Variants in NUP98 observed in about 807,000 individuals in gnomAD.
The protein encoded by NUP98 is nucleoporin 98 and 96 precursor.
NUP98 carries 26 observed loss-of-function variants against 191.9 expected under a neutral mutation model. That is an observed-to-expected ratio of 0.14 (90% confidence interval 0.10 to 0.19). NUP98 has a LOEUF of 0.19. NUP98 is among the 10% of genes least tolerant of loss of function. The pLI, the probability that NUP98 is intolerant of heterozygous loss-of-function variation, is 1.00. For missense variants in NUP98, 1,941 were observed against 2,178.8 expected (o/e 0.89, Z 2.17); for synonymous variants, 808 against 778.4 (o/e 1.04, Z -0.63).
chr11:3,755,352 AAT>A (rs925887936), intron 10 of NUP98, among the ~76,000 whole-genome samples: 24 of 151,942 alleles, frequency 1.6e-4, no homozygotes, highest in African/African-American at 5.3e-4. Context: ...GAATCCCAGC[AAT>A]TTGGGAGGCT....
intron 20 of NUP98, among the ~76,000 whole-genome samples, chr11:3,708,002 G>C (rs1488141243): frequency 3.3e-5 from 5 of 152,202 alleles, no homozygotes; most frequent in Non-Finnish European, 7.4e-5. Context: ...TTAGGAGGCT[G>C]AGGCAGGAAA....
At position 3,683,403 on chromosome 11, in the gene NUP98, T is replaced by C. The variant is rs1307597167; in HGVS notation, c.4715A>G (p.His1572Arg). 1 of 1,614,154 alleles carries C rather than the reference T, an allele frequency of 6.2e-7. No homozygotes were observed. Among genetic ancestry groups the C allele is most frequent in the South Asian group, 1.1e-5 (1 of 91,078 alleles). Reference protein sequence around the residue: ...EKAVRELLTRHCQLLETPESW... With the variant: ...EKAVRELLTRRCQLLETPESW... The stretch of plus-strand genomic sequence containing the variant: ...TTCAGGGGTCTCCAACAGCTGGCAG[T>C]GCCGGGTAAGCAGCTCTCGAACAGC... The change falls in exon 30 of 33, where the codon CAC (histidine) becomes CGC (arginine). Residue 1572 changes from histidine to arginine, a missense_variant. Coordinates refer to ENST00000324932, the MANE Select transcript of NUP98 (RefSeq NM_016320.5).
chr11:3,720,782 C>T lies in NUP98; in HGVS notation c.2190G>A (p.Met730Ile). 6.6e-7 allele frequency: 1 copy of T among 1,514,322 alleles called. No individual in the cohort carries two copies. The highest frequency in any genetic ancestry group is 1.8e-5 in the Admixed American group (1 of 55,446). 93.8% of individuals were successfully genotyped at this position (1,514,322 alleles called of 1,614,324 possible). ...TKVGYYTIPS[M>I]DDLAKITNEK... ...CATTGGTAATTTTAGCAAGGTCATCCATAGATGGAATAGTATAGTAACCAA... is the reference window on the plus strand; with the variant it reads ...CATTGGTAATTTTAGCAAGGTCATCTATAGATGGAATAGTATAGTAACCAA... The change falls in exon 17 of 33, where the codon ATG (methionine) becomes ATA (isoleucine). Residue 730 changes from methionine to isoleucine, a missense_variant. Transcript: ENST00000324932.
chr11:3,712,509 C>T (rs1156969640), intron 20 of NUP98, 55 bp downstream of exon 20: 1 of 1,604,412 alleles, frequency 6.2e-7, no homozygotes, highest in Non-Finnish European at 8.5e-7. Flanking sequence ...GAATGACTTG[C>T]TTTCAACTTC....
chr11:3,678,039 G>A (rs148913439), intron 31 of NUP98, among the ~76,000 whole-genome samples: 2 of 151,982 alleles, frequency 1.3e-5, no homozygotes, highest in Non-Finnish European at 2.9e-5. Context: ...CAGCTACTGG[G>A]GAGGCTGAGG....
At chr11:3,692,452 C>T (rs370854834) in intron 27 of NUP98, among the ~76,000 whole-genome samples, 2 of 151,872 alleles carry the variant, frequency 1.3e-5, no homozygotes, top group Admixed American at 6.6e-5. Context: ...ATGGTGAAAC[C>T]GCGTCTCTAC....
intron 9 of NUP98, 34 bp from the exon 10 acceptor site, chr11:3,760,660 A>T: frequency 6.3e-7 from 1 of 1,582,754 alleles, no homozygotes; most frequent in Non-Finnish European, 8.6e-7. Flanking sequence ...AATTTAAAAT[A>T]ATATTAAGAC....
intron 5 of NUP98, among the ~76,000 whole-genome samples, chr11:3,774,464 C>G (rs1395601007): frequency 4.0e-5 from 6 of 151,878 alleles, no homozygotes; most frequent in African/African-American, 1.5e-4. Context: ...GTGGCTCACA[C>G]CTGCAGTCCC....
In NUP98 at chr11:3,686,142, A is replaced by G. The variant is rs769997956; in HGVS notation, c.4507T>C (p.Leu1503=). The change falls in exon 29 of 33, where the codon TTG becomes CTG. Residue 1503 remains leucine, a synonymous_variant. Coordinates refer to ENST00000324932, the MANE Select transcript of NUP98 (RefSeq NM_016320.5). Reference sequence around the variant, plus strand: ...AAGTGCCAGCTTAGGCGGTAGTCCAAAGGATCTGCTGTTATGCTTCGAGGC... The same window carrying G: ...AAGTGCCAGCTTAGGCGGTAGTCCAGAGGATCTGCTGTTATGCTTCGAGGC... ...LEPRSITADP[L]DYRLSWHLWE... 5 of 1,614,244 alleles carry G rather than the reference A, an allele frequency of 3.1e-6. No individual in the cohort carries two copies. In the East Asian group the frequency reaches 1.1e-4, roughly 36 times the overall value.
rs1474211431 is a variant in NUP98 at position 3,712,417 on chromosome 11, T to TC, written c.2742+146dup. 1.5e-5 allele frequency: 21 copies of TC among 1,438,036 alleles called. No homozygotes were observed. In the East Asian group the frequency reaches 4.4e-4, roughly 30 times the overall value. 89.1% of individuals were successfully genotyped at this position (1,438,036 alleles called of 1,614,324 possible). On this transcript the variant is annotated intron_variant, in intron 20 of 32. Coordinates refer to ENST00000324932, the MANE Select transcript of NUP98 (RefSeq NM_016320.5). Reference sequence around the variant, plus strand: ...CAGATGCCTGCAAGACCTCACGCCCTCCCTTGCACTTGTTTCAACGTGATT... The same window carrying TC: ...CAGATGCCTGCAAGACCTCACGCCCTCCCCTTGCACTTGTTTCAACGTGATT...
intron 4 of NUP98, among the ~76,000 whole-genome samples, chr11:3,776,788 G>A (rs276890): frequency 0.55 from 41,332 of 74,814 alleles, 6,269 homozygotes; most frequent in African/African-American, 0.6. Context: ...CACAGTGCCC[G>A]GCCCAAATAG....
At chr11:3,757,208 G>C (rs549217950) in intron 10 of NUP98, among the ~76,000 whole-genome samples, 105 of 151,886 alleles carry the variant, frequency 6.9e-4, no homozygotes, top group Non-Finnish European at 1.2e-3. Context: ...AAAATAACGG[G>C]CTGGGCGCAG....
intron 11 of NUP98, among the ~76,000 whole-genome samples, chr11:3,747,929 A>AGTGTGT (rs977828565): frequency 3.9e-5 from 6 of 152,188 alleles, no homozygotes; most frequent in African/African-American, 1.4e-4. Flanking sequence ...GAATTGCAAC[A>AGTGTGT]GTGTGTGTGC....
intron 10 of NUP98, among the ~76,000 whole-genome samples, chr11:3,755,833 A>G (rs1011593773): frequency 6.6e-5 from 10 of 151,238 alleles, no homozygotes; most frequent in African/African-American, 2.2e-4. Flanking sequence ...GTGTGGTGGC[A>G]GGCGCCTATA....
At chr11:3,757,449 T>G (rs1486731553) in intron 10 of NUP98, among the ~76,000 whole-genome samples, 1 of 151,356 alleles carries the variant, frequency 6.6e-6, no homozygotes. Flanking sequence ...ATCACACCAC[T>G]ACACTCGAGC....
chr11:3,723,172 G>A lies in NUP98; in HGVS notation c.2131C>T (p.His711Tyr). The change falls in exon 16 of 33, where the codon CAT becomes TAT. Residue 711 changes from histidine to tyrosine, a missense_variant. Around this residue, in one of 6 missense-constraint regions of NUP98, gnomAD observed 453 missense variants for 438.2 expected, o/e 1.03. Transcript: ENST00000324932. ...TGAACCTGACCTGCTGGGTGCATAT[G>A]GTAAGAATTATTTTCTATTTCTTCT... is the stretch of plus-strand genomic sequence containing the variant. ...DREEIENNSY[H>Y]MHPAGIILTK... is the part of the protein sequence containing the mutation. 1.2e-6 allele frequency: 2 copies of A among 1,613,980 alleles called. No individual in the cohort carries two copies. Among genetic ancestry groups the A allele is most frequent in the South Asian group, 1.1e-5 (1 of 91,058 alleles).
chr11:3,701,863 A>G (rs2078690355), intron 23 of NUP98, among the ~76,000 whole-genome samples: 1 of 151,206 alleles, frequency 6.6e-6, no homozygotes, highest in Non-Finnish European at 1.5e-5. Context: ...TTTTTTTTGT[A>G]TTTTTAGTAG....
chr11:3,745,980 G>A (rs1276973628), intron 11 of NUP98, among the ~76,000 whole-genome samples: 1 of 151,986 alleles, frequency 6.6e-6, no homozygotes, highest in East Asian at 1.9e-4. Flanking sequence ...TTAAAAATAA[G>A]ACAACAGGGC....
chr11:3,778,823 A>G (rs1234765457), intron 4 of NUP98, 50 bp downstream of exon 4: 1 of 1,564,960 alleles, frequency 6.4e-7, no homozygotes, highest in Non-Finnish European at 8.7e-7. Context: ...AACACATTCA[A>G]TAAGCAAACC....
Sources: allele counts gnomAD v4.1 joint callset (sites outside exome capture counted in the v4.1 genomes callset), GRCh38; gene constraint gnomAD v4.1.1; regional missense constraint gnomAD v4.1.1; transcripts MANE v1.5; gene names NCBI Gene and HGNC (gene_info 2026-07-23, HGNC 2026-07-21).